The following TNFSF4 variants were observed in gnomAD, a reference collection of about 807,000 sequenced individuals.
TNFSF4 encodes the protein TNF superfamily member 4, also known as tumor necrosis factor ligand superfamily member 4.
In TNFSF4, 4 loss-of-function variants were observed where a neutral mutation model predicts 7.3. The observed-to-expected ratio is 0.55, with a 90% CI of 0.27 to 1.25. The LOEUF is 1.25. Among genes scored for constraint, TNFSF4 ranks in the 50% most tolerant of loss-of-function variants. TNFSF4 has a pLI of 0.12. For missense variants in TNFSF4, 181 were observed against 208.8 expected (o/e 0.87, Z 0.82); for synonymous variants, 76 against 83.7 (o/e 0.91, Z 0.50).
At chr1:173,402,449 G>A in the TNFSF4 span, among the ~76,000 whole-genome samples, 1 of 152,146 alleles carries the variant, frequency 6.6e-6, no homozygotes, top group Admixed American at 6.5e-5. Context: ...CCAACCAGAG[G>A]TAATAATTTC....
chr1:173,200,371 C>CAAAG, intron 1 of TNFSF4, among the ~76,000 whole-genome samples: 1 of 152,294 alleles, frequency 6.6e-6, no homozygotes, highest in Non-Finnish European at 1.5e-5. Context: ...AAAAGCTCTG[C>CAAAG]AAAGATGAGA....
At chr1:173,292,477 A>G in the TNFSF4 span, among the ~76,000 whole-genome samples, 68 of 152,254 alleles carry the variant, frequency 4.5e-4, 1 homozygote, top group African/African-American at 1.6e-3. Flanking sequence ...TCAAAGAAAC[A>G]CAGCTCAAAA....
chr1:173,274,882 T>C, the TNFSF4 span, among the ~76,000 whole-genome samples: 4 of 152,148 alleles, frequency 2.6e-5, no homozygotes, highest in African/African-American at 4.8e-5. Context: ...ATCTTTATTT[T>C]GCATGTCTCA....
intron 1 of TNFSF4, among the ~76,000 whole-genome samples, chr1:173,192,106 G>A (rs927762975): frequency 1.3e-5 from 2 of 152,228 alleles, no homozygotes; most frequent in Admixed American, 6.5e-5. Context: ...GAACCCAGGA[G>A]ACAGAGGTTG....
the TNFSF4 span, among the ~76,000 whole-genome samples, chr1:173,215,227 C>T: frequency 6.6e-6 from 1 of 152,100 alleles, no homozygotes; most frequent in African/African-American, 2.4e-5. Context: ...AGAACCCAAC[C>T]ATGTTGGCAC....
At chr1:173,442,370 CCCAGAACCCCTTCAAAACAAAA>C in the TNFSF4 span, among the ~76,000 whole-genome samples, 1 of 151,962 alleles carries the variant, frequency 6.6e-6, no homozygotes, top group Non-Finnish European at 1.5e-5. Flanking sequence ...CCAACTCCTC[CCCAGAACCCCTTCAAAACAAAA>C]CCAAATGCAA....
chr1:173,343,539 C>T, the TNFSF4 span, among the ~76,000 whole-genome samples: 1 of 152,176 alleles, frequency 6.6e-6, no homozygotes, highest in Non-Finnish European at 1.5e-5. Flanking sequence ...CCTTCTCTAT[C>T]CCCTTTGCCT....
chr1:173,271,764 T>G, the TNFSF4 span, among the ~76,000 whole-genome samples: 1 of 152,154 alleles, frequency 6.6e-6, no homozygotes, highest in Admixed American at 6.6e-5. Context: ...TGTAAACTAG[T>G]TCAACCATTG....
At chr1:173,395,608 G>C in the TNFSF4 span, among the ~76,000 whole-genome samples, 1 of 151,560 alleles carries the variant, frequency 6.6e-6, no homozygotes, top group East Asian at 1.9e-4. Context: ...TTATTTTCTA[G>C]AGCCAAAGAG....
the TNFSF4 span, among the ~76,000 whole-genome samples, chr1:173,415,144 C>T: frequency 6.6e-6 from 1 of 152,182 alleles, no homozygotes; most frequent in Non-Finnish European, 1.5e-5. Flanking sequence ...ATAATCTTGA[C>T]CCTTACTGCA....
chr1:173,434,051 A>C, the TNFSF4 span, among the ~76,000 whole-genome samples: 1 of 152,206 alleles, frequency 6.6e-6, no homozygotes, highest in South Asian at 2.1e-4. Context: ...GCTAAGGGAG[A>C]AACATGAAAC....
At chr1:173,320,370 A>G in the TNFSF4 span, among the ~76,000 whole-genome samples, 10 of 152,222 alleles carry the variant, frequency 6.6e-5, no homozygotes, top group Admixed American at 6.5e-4. Flanking sequence ...ATCCACAGCC[A>G]ATATCAAACT....
At chr1:173,327,302 C>T in the TNFSF4 span, among the ~76,000 whole-genome samples, 2 of 152,018 alleles carry the variant, frequency 1.3e-5, no homozygotes, top group Admixed American at 1.3e-4. Flanking sequence ...GCTGGGAAAA[C>T]TGGAAAGCTG....
the TNFSF4 span, among the ~76,000 whole-genome samples, chr1:173,312,675 G>C: frequency 7.9e-5 from 12 of 152,100 alleles, no homozygotes; most frequent in Admixed American, 7.9e-4. Flanking sequence ...GGCATAAACT[G>C]TGGGCCTCTT....
the TNFSF4 span, among the ~76,000 whole-genome samples, chr1:173,424,026 C>CTCAT: frequency 6.6e-6 from 1 of 152,106 alleles, no homozygotes; most frequent in Non-Finnish European, 1.5e-5. Context: ...ATGCTGTATC[C>CTCAT]TCATGGCAGA....
the TNFSF4 span, among the ~76,000 whole-genome samples, chr1:173,215,886 A>G: frequency 1.3e-5 from 2 of 152,192 alleles, no homozygotes; most frequent in Non-Finnish European, 2.9e-5. Context: ...AAGGTGCACA[A>G]TAATTGCGAT....
At chr1:173,299,092 A>G in the TNFSF4 span, among the ~76,000 whole-genome samples, 1 of 151,958 alleles carries the variant, frequency 6.6e-6, no homozygotes, top group Non-Finnish European at 1.5e-5. Context: ...ACCTAACAAT[A>G]ATTTTTAAAT....
At chr1:173,282,603 C>T in the TNFSF4 span, among the ~76,000 whole-genome samples, 1 of 151,932 alleles carries the variant, frequency 6.6e-6, no homozygotes, top group East Asian at 1.9e-4. Context: ...GGATTACAGG[C>T]ATGTGCCACC....
intron 1 of TNFSF4, among the ~76,000 whole-genome samples, chr1:173,190,048 TAAA>T (rs11389771): frequency 2.3e-5 from 3 of 128,330 alleles, no homozygotes; most frequent in Non-Finnish European, 3.4e-5. Flanking sequence ...CATCTCTGCT[TAAA>T]AAAAAAAAAA....
Sources: allele counts gnomAD v4.1 joint callset (sites outside exome capture counted in the v4.1 genomes callset), GRCh38; gene constraint gnomAD v4.1.1; transcripts MANE v1.5; gene names NCBI Gene and HGNC (gene_info 2026-07-23, HGNC 2026-07-21).